The following HEATR3 variants were observed in gnomAD, a reference collection of about 807,000 sequenced individuals.
HEATR3 encodes HEAT repeat containing 3, also known as HEAT repeat-containing protein 3.
Under a neutral mutation model 72.8 loss-of-function variants are expected in HEATR3, and 56 were observed. That is an observed-to-expected ratio of 0.77 (90% confidence interval 0.62 to 0.96). The LOEUF is 0.96. Among genes scored for constraint, HEATR3 ranks in the 40% least tolerant of loss-of-function variants. The pLI, the probability that HEATR3 is intolerant of heterozygous loss-of-function variation, is 0.00. For missense variants in HEATR3, 747 were observed against 831.4 expected, an observed-to-expected ratio of 0.90 and a Z score of 1.25; for synonymous variants, 331 against 318.1, an observed-to-expected ratio of 1.04 and a Z score of -0.43.
Position 50,089,223 on chromosome 16 carries a change from T to C in HEATR3, c.1510+2872T>C, listed in dbSNP as rs184851223. Among the ~76,000 whole-genome samples, 716 of 152,356 alleles carry C rather than the reference T, an allele frequency of 4.7e-3. 5 individuals are homozygous for C. The highest frequency in any genetic ancestry group is 6.5e-3 in the Non-Finnish European group (441 of 68,038). ...TGTCTATTCTTGACATCATCTTTTT[T>C]TTTTTAAGGTTCAGGAATGTGACAT... On this transcript the variant is annotated intron_variant, in intron 11 of 14. Coordinates refer to ENST00000299192, the MANE Select transcript of HEATR3 (RefSeq NM_182922.4).
At chr16:50,078,276 G>A (rs2150603315) in intron 6 of HEATR3, among the ~76,000 whole-genome samples, 1 of 152,160 alleles carries the variant, frequency 6.6e-6, no homozygotes, top group South Asian at 2.1e-4. Context: ...AAATTACTCT[G>A]ACTACTTAAT....
chr16:50,099,035 A>C (rs567072912), intron 12 of HEATR3, among the ~76,000 whole-genome samples: 5 of 151,896 alleles, frequency 3.3e-5, no homozygotes, highest in African/African-American at 7.3e-5. Context: ...AGGTCTTGCT[A>C]TGTTGCCCAG....
intron 12 of HEATR3, 85 bp downstream of exon 12, chr16:50,094,878 A>G: frequency 1.4e-6 from 1 of 701,814 alleles, no homozygotes; most frequent in Non-Finnish European, 2.4e-6. Flanking sequence ...ATTTTAAAAA[A>G]TACATATTTC....
Position 50,077,056 on chromosome 16 carries a change from A to T in HEATR3, c.763+1345A>T, listed in dbSNP as rs1347328423. Among the ~76,000 whole-genome samples the T allele has an allele frequency of 2.7e-5, 4 of 150,744 alleles. 1 individual carries two copies. The highest frequency in any genetic ancestry group is 2.6e-4 in the Admixed American group (4 of 15,148). On this transcript the variant is annotated intron_variant, in intron 6 of 14. Coordinates refer to ENST00000299192, the MANE Select transcript of HEATR3 (RefSeq NM_182922.4). ...CTAATTTTTTGTATTTTTTTTTTTT[A>T]GTAAAGACGGGGTTTCACTGTGTTA...
At chr16:50,077,238 C>T (rs1030715778) in intron 6 of HEATR3, among the ~76,000 whole-genome samples, 2 of 151,942 alleles carry the variant, frequency 1.3e-5, no homozygotes, top group Non-Finnish European at 2.9e-5. Flanking sequence ...TCTCGAACTC[C>T]TGACCTAAAG....
Position 50,102,297 on chromosome 16 carries a change from T to TC in HEATR3, c.1784dup (p.Ser596PhefsTer14). ...TTCTGCTTGAAGTTACCACCAAAGA[T>TC]CCTTCCCTTGTGGTAGCAGGAGAAG... On this transcript the variant is annotated frameshift_variant, in exon 14 of 15. Transcript: ENST00000299192. LOFTEE classifies it high-confidence loss of function. 2 of 1,614,086 alleles carry TC rather than the reference T, an allele frequency of 1.2e-6. No individual in the cohort carries two copies. The highest frequency in any genetic ancestry group is 1.7e-6 in the Non-Finnish European group (2 of 1,179,992).
rs560205417 is a variant in HEATR3, at chr16:50,101,500, G to GT, written c.1744-756dup. ...AAAATTATCTGTTTACAGAGAGCTT[G>GT]TTTACACTGCTGAAGTCCACATGTT... On this transcript the variant is annotated intron_variant, in intron 13 of 14. Transcript: ENST00000299192. 3.3e-5 allele frequency among the ~76,000 whole-genome samples: 5 copies of GT among 152,250 alleles called. No homozygotes were observed. The South Asian group carries it at 1.0e-3, about 32-fold the overall frequency.
chr16:50,088,647 C>T (rs1334404590), intron 11 of HEATR3, among the ~76,000 whole-genome samples: 5 of 152,166 alleles, frequency 3.3e-5, no homozygotes, highest in Non-Finnish European at 7.3e-5. Flanking sequence ...AGGGGACTTT[C>T]CCCAACTTTT....
Position 50,082,773 on chromosome 16 carries a change from AGC to A in HEATR3, c.1042-1163_1042-1162del, listed in dbSNP as rs775835209. ...CCCATCTCTCAAAAAAAAAAAAAAA[AGC>A]AGGTAAATTTTTTTTCTTTTTCTTT... is the stretch of plus-strand genomic sequence containing the variant. On this transcript the variant is annotated intron_variant, in intron 7 of 14. Transcript: ENST00000299192. Among the ~76,000 whole-genome samples, 208 of 26,296 alleles carry A rather than the reference AGC, an allele frequency of 7.9e-3. 2 individuals are homozygous for A. The highest frequency in any genetic ancestry group is 0.018 in the Non-Finnish European group (114 of 6,230). 17.3% of individuals were successfully genotyped at this position (26,296 alleles called of 152,430 possible). A position where few individuals can be genotyped will look rare whatever the true frequency, so the allele number is the denominator to read the frequency against.
chr16:50,102,017 A>G (rs1159164764), intron 13 of HEATR3, among the ~76,000 whole-genome samples: 1 of 152,142 alleles, frequency 6.6e-6, no homozygotes, highest in African/African-American at 2.4e-5. Context: ...AGTGATTTCC[A>G]AAATCATACA....
chr16:50,075,711 G>A lies in HEATR3; in HGVS notation c.763G>A (p.Gly255Ser). 1 of 1,611,288 alleles carries A rather than the reference G, an allele frequency of 6.2e-7. No individual in the cohort carries two copies. The highest frequency in any genetic ancestry group is 2.2e-5 in the East Asian group (1 of 44,828). ...TCTTCTATTGAAGACATTGGTAGCAGGTAAAATTTAGCCTTACGGCATAGT... is the reference window on the plus strand; with the variant it reads ...TCTTCTATTGAAGACATTGGTAGCAAGTAAAATTTAGCCTTACGGCATAGT... ...ESLLLKTLVA[G>S]TIWNLKDIIP... The change falls in exon 6 of 15, where the codon GGC becomes AGC. Residue 255 changes from glycine (G) to serine (S), a missense_variant and splice_region_variant. Around this residue, in one of 2 missense-constraint regions of HEATR3, gnomAD observed 586 missense variants for 708.8 expected, o/e 0.83. Coordinates refer to ENST00000299192, the MANE Select transcript of HEATR3 (RefSeq NM_182922.4).
rs540132430 is a variant in HEATR3, at chr16:50,092,537, T to C, written c.1511-2168T>C. On this transcript the variant is annotated intron_variant, in intron 11 of 14. Coordinates refer to ENST00000299192, the MANE Select transcript of HEATR3 (RefSeq NM_182922.4). Reference sequence around the variant, plus strand: ...CTGCAAGCTCCGCCTCCCGGGTTCATGCCATTCTCCTGCCTCAGCCTCCTT... The same window carrying C: ...CTGCAAGCTCCGCCTCCCGGGTTCACGCCATTCTCCTGCCTCAGCCTCCTT... 2.6e-3 allele frequency among the ~76,000 whole-genome samples: 380 copies of C among 146,950 alleles called. 2 individuals carry two copies. Among genetic ancestry groups the C allele is most frequent in the Non-Finnish European group, 2.4e-3 (162 of 67,084 alleles).
At chr16:50,071,882 A>G (rs1160161924) in intron 4 of HEATR3, among the ~76,000 whole-genome samples, 1 of 152,226 alleles carries the variant, frequency 6.6e-6, no homozygotes, top group Non-Finnish European at 1.5e-5. Flanking sequence ...ACTCGTATTT[A>G]ATGTGTTTGC....
In HEATR3 at chr16:50,095,404, G is replaced by A. The variant is rs1357534374; in HGVS notation, c.1599+611G>A. On this transcript the variant is annotated intron_variant, in intron 12 of 14. Transcript: ENST00000299192. Reference sequence around the variant, plus strand: ...TGACAGGCGTGAACCACCGTACCCAGCTTTTTTTTTTTTTTTTTTTTTAAC... The same window carrying A: ...TGACAGGCGTGAACCACCGTACCCAACTTTTTTTTTTTTTTTTTTTTTAAC... Among the ~76,000 whole-genome samples the A allele has an allele frequency of 1.0e-4, 7 of 67,678 alleles. No individual in the cohort carries two copies. The East Asian group carries it at 2.1e-3, about 20-fold the overall frequency. 44.4% of individuals were successfully genotyped at this position (67,678 alleles called of 152,430 possible).
At chr16:50,075,473 A>T (rs1446001595) in intron 5 of HEATR3, 98 bp from the exon 6 acceptor site, 1 of 1,123,998 alleles carries the variant, frequency 8.9e-7, no homozygotes, top group Non-Finnish European at 1.3e-6. Context: ...TGTCTAATGA[A>T]GTGGTAATGA....
chr16:50,073,871 A>T (rs1371797919), intron 5 of HEATR3: 1 of 152,120 alleles, frequency 6.6e-6, no homozygotes, highest in African/African-American at 2.4e-5. Context: ...TAGATTAATG[A>T]TTTTTTAAAA....
At chr16:50,086,128 A>C in intron 10 of HEATR3, 87 bp from the exon 11 acceptor site, 2 of 1,235,444 alleles carry the variant, frequency 1.6e-6, no homozygotes, top group Non-Finnish European at 1.1e-6. Context: ...TTCCAGTCAG[A>C]ACGTGAAGCT....
At chr16:50,077,313 G>A (rs1438585326) in intron 6 of HEATR3, among the ~76,000 whole-genome samples, 3 of 110,886 alleles carry the variant, frequency 2.7e-5, no homozygotes, top group Non-Finnish European at 5.7e-5. Context: ...CCCAGCCACA[G>A]TTAATTTTTT....
chr16:50,083,099 A>T (rs1428809617), intron 7 of HEATR3, among the ~76,000 whole-genome samples: 1 of 152,180 alleles, frequency 6.6e-6, no homozygotes, highest in Non-Finnish European at 1.5e-5. Context: ...GTGCCACTGC[A>T]CTCCAGCCTA....
Sources: gnomAD v4.1 joint callset for allele counts (sites outside exome capture counted in the v4.1 genomes callset) on GRCh38, gnomAD v4.1.1 for gene constraint, gnomAD v4.1.1 regional missense constraint, MANE v1.5 for transcripts, NCBI Gene and HGNC (gene_info 2026-07-23, HGNC 2026-07-21) for gene names.